QRFPR: variants seen among roughly 807,000 people sequenced by gnomAD.
The protein encoded by QRFPR is pyroglutamylated RF-amide peptide receptor.
A neutral mutation model predicts 31.3 loss-of-function variants in QRFPR; 37 were observed. The ratio of observed to expected loss-of-function variants is 1.18; its 90% CI spans 0.91 to 1.56. The LOEUF is 1.56. Ranked by LOEUF, QRFPR falls within the 40% of genes most tolerant of loss-of-function variation. The pLI is 0.00. For missense variants in QRFPR, 542 were observed against 532.5 expected (o/e 1.02, Z -0.18); for synonymous variants, 197 against 192.0 (o/e 1.03, Z -0.22).
Position 121,365,630 on chromosome 4 carries a change from A to T in QRFPR, c.340+14678T>A, listed in dbSNP as rs1427852205. Reference sequence around the variant, plus strand: ...ATATATATTATATATATTATATATTATATATATATTTTATATATTATATAT... The same window carrying T: ...ATATATATTATATATATTATATATTTTATATATATTTTATATATTATATAT... On this transcript the variant is annotated intron_variant, in intron 1 of 5. Transcript: ENST00000394427. Among the ~76,000 whole-genome samples the T allele has an allele frequency of 4.4e-3, 28 of 6,392 alleles. 4 individuals carry two copies. The highest frequency in any genetic ancestry group is 0.012 in the African/African-American group (27 of 2,210). The allele number at this position is 6,392 out of a possible 152,430, so 4.2% of individuals were successfully genotyped here.
intron 1 of QRFPR, chr4:121,369,670 A>G (rs1726195516): frequency 6.3e-7 from 1 of 1,585,468 alleles, no homozygotes; most frequent in African/African-American, 1.3e-5. Context: ...ATCTCAGTCC[A>G]AAGAGGCCCC....
In QRFPR at chr4:121,329,580, A is replaced by C. The variant is rs1725283467; in HGVS notation, c.1030T>G (p.Leu344Val). 1 of 1,613,674 alleles carries C rather than the reference A, an allele frequency of 6.2e-7. No homozygotes were observed. The highest frequency in any genetic ancestry group is 1.7e-4 in the Middle Eastern group (1 of 6,058). Residue 344 changes from leucine to valine, a missense_variant, in exon 6 of 6, where the codon TTG (leucine) becomes GTG (valine). Coordinates refer to ENST00000394427, the MANE Select transcript of QRFPR (RefSeq NM_198179.3). ...FMNENFKKNV[L>V]SAVCYCIVNK... ...ACTATGCAATAACAAACTGCAGACAAAACATTTTTTTTGAAGTTTTCATTC... is the reference window on the plus strand; with the variant it reads ...ACTATGCAATAACAAACTGCAGACACAACATTTTTTTTGAAGTTTTCATTC...
At chr4:121,360,845 C>A (rs1172819896) in intron 1 of QRFPR, among the ~76,000 whole-genome samples, 1 of 152,166 alleles carries the variant, frequency 6.6e-6, no homozygotes, top group Non-Finnish European at 1.5e-5. Flanking sequence ...CCTCTGAATG[C>A]CAAACTCCAG....
intron 1 of QRFPR, chr4:121,369,572 T>C (rs1386336534): frequency 2.5e-6 from 4 of 1,611,014 alleles, no homozygotes; most frequent in African/African-American, 2.7e-5. Flanking sequence ...TCGGTTGGCC[T>C]GGGCACGGAT....
chr4:121,373,423 T>C (rs534253553), intron 1 of QRFPR, among the ~76,000 whole-genome samples: 28 of 152,340 alleles, frequency 1.8e-4, no homozygotes, highest in Non-Finnish European at 3.1e-4. Flanking sequence ...ACAGCATAAT[T>C]CCTGACTTTA....
chr4:121,351,003 T>C (rs1579578121), intron 1 of QRFPR, among the ~76,000 whole-genome samples: 1 of 152,342 alleles, frequency 6.6e-6, no homozygotes, highest in East Asian at 1.9e-4. Flanking sequence ...GCTTAATACC[T>C]AGGTGATGGG....
chr4:121,330,958 T>C (rs186159246), intron 4 of QRFPR, among the ~76,000 whole-genome samples: 1 of 152,184 alleles, frequency 6.6e-6, no homozygotes, highest in East Asian at 1.9e-4. Flanking sequence ...CCTGTGGTAG[T>C]AAAATATCAA....
At chr4:121,362,988 A>T (rs1210311204) in intron 1 of QRFPR, among the ~76,000 whole-genome samples, 1 of 150,354 alleles carries the variant, frequency 6.7e-6, no homozygotes, top group Non-Finnish European at 1.5e-5. Context: ...ACCTCTCTGG[A>T]GTCCATGCAA....
intron 1 of QRFPR, among the ~76,000 whole-genome samples, chr4:121,345,907 G>A (rs1054257584): frequency 1.3e-5 from 2 of 152,174 alleles, no homozygotes; most frequent in South Asian, 2.1e-4. Context: ...TCACTTTAGT[G>A]TGTAACAGGG....
chr4:121,349,708 C>A (rs1484017214), intron 1 of QRFPR, among the ~76,000 whole-genome samples: 1 of 152,134 alleles, frequency 6.6e-6, no homozygotes, highest in African/African-American at 2.4e-5. Flanking sequence ...TACCAGATTT[C>A]ATTAAGTATA....
intron 4 of QRFPR, among the ~76,000 whole-genome samples, chr4:121,331,004 G>A (rs1016394940): frequency 2.0e-5 from 3 of 151,810 alleles, no homozygotes; most frequent in Admixed American, 6.6e-5. Flanking sequence ...AGTGACTCAC[G>A]CCTGTAATCC....
At chr4:121,358,650 G>T (rs1180851524) in intron 1 of QRFPR, among the ~76,000 whole-genome samples, 1 of 152,092 alleles carries the variant, frequency 6.6e-6, no homozygotes, top group Non-Finnish European at 1.5e-5. Flanking sequence ...CTCTTTCCCT[G>T]CACTGCTCTC....
chr4:121,371,472 C>T (rs942174361), intron 1 of QRFPR, among the ~76,000 whole-genome samples: 1 of 152,130 alleles, frequency 6.6e-6, no homozygotes, highest in Non-Finnish European at 1.5e-5. Flanking sequence ...ATGTCCACTA[C>T]TAGAAGGAAT....
intron 1 of QRFPR, among the ~76,000 whole-genome samples, chr4:121,347,769 A>G (rs1166262849): frequency 6.6e-6 from 1 of 152,072 alleles, no homozygotes; most frequent in East Asian, 1.9e-4. Context: ...ATTCTGTTCC[A>G]CAGGATATTA....
intron 1 of QRFPR, among the ~76,000 whole-genome samples, chr4:121,363,342 T>G (rs116295107): frequency 0.02 from 3,001 of 149,638 alleles, 178 homozygotes; most frequent in South Asian, 0.046. Context: ...AATAAATAAA[T>G]AAAGAAAGAA....
chr4:121,373,487 A>G (rs970093993), intron 1 of QRFPR, among the ~76,000 whole-genome samples: 1 of 152,316 alleles, frequency 6.6e-6, no homozygotes, highest in African/African-American at 2.4e-5. Context: ...CTTTTTTAAT[A>G]CTTCCTTATT....
intron 4 of QRFPR, among the ~76,000 whole-genome samples, 161 bp from the exon 5 acceptor site, chr4:121,330,684 G>A (rs1202216770): frequency 6.6e-6 from 1 of 152,086 alleles, no homozygotes; most frequent in Non-Finnish European, 1.5e-5. Context: ...TTTTCCTATT[G>A]ATATTACCCT....
intron 2 of QRFPR, chr4:121,340,206 G>A (rs187539048): frequency 4.4e-6 from 2 of 459,268 alleles, no homozygotes; most frequent in Admixed American, 3.4e-5. Context: ...TGAACATAGT[G>A]CTTAAACGTT....
intron 2 of QRFPR, among the ~76,000 whole-genome samples, chr4:121,338,500 AT>A (rs1017658066): frequency 6.6e-6 from 1 of 150,960 alleles, no homozygotes; most frequent in Non-Finnish European, 1.5e-5. Context: ...ATATTATGAG[AT>A]TTTTTTGCGA....
Sources: gnomAD v4.1 joint callset for allele counts (sites outside exome capture counted in the v4.1 genomes callset) on GRCh38, gnomAD v4.1.1 for gene constraint, MANE v1.5 for transcripts, NCBI Gene and HGNC (gene_info 2026-07-23, HGNC 2026-07-21) for gene names.